The following COL2A1 variants were observed in gnomAD, a reference collection of about 807,000 sequenced individuals.
The protein encoded by COL2A1 is collagen alpha-1(II) chain.
In COL2A1, 28 loss-of-function variants were observed where a neutral mutation model predicts 204.5. That is an observed-to-expected ratio of 0.14 (90% CI 0.10 to 0.19). COL2A1 has a LOEUF of 0.19. Ranked by LOEUF, COL2A1 falls within the 10% of genes least tolerant of loss-of-function variation. The pLI, the probability that COL2A1 is intolerant of heterozygous loss-of-function variation, is 1.00. For missense variants in COL2A1, 1,388 were observed against 2,027.5 expected, an observed-to-expected ratio of 0.68 and a Z score of 6.06; for synonymous variants, 708 against 718.7, an observed-to-expected ratio of 0.99 and a Z score of 0.24.
intron 14 of COL2A1, 31 bp from the exon 15 acceptor site, chr12:47,993,533 G>A (rs1434885299): frequency 1.2e-6 from 2 of 1,606,638 alleles, no homozygotes; most frequent in Non-Finnish European, 1.7e-6. Context: ...GTCAGTGTCT[G>A]GGACCCCATT....
At chr12:47,981,145 G>A (rs1939054861) in intron 37 of COL2A1, among the ~76,000 whole-genome samples, 177 bp from the exon 38 acceptor site, 1 of 152,172 alleles carries the variant, frequency 6.6e-6, no homozygotes, top group Admixed American at 6.5e-5. Context: ...CCCTCACCCT[G>A]AACACATGAT....
chr12:47,976,014 G>T lies in COL2A1; in HGVS notation c.3546C>A (p.Gly1182=), dbSNP rs776772930. The T allele has an allele frequency of 6.2e-7, 1 of 1,614,164 alleles. No homozygotes were observed. Residue 1182 remains glycine, a synonymous_variant, in exon 50 of 54, where the codon GGC becomes GGA. Coordinates refer to ENST00000380518, the MANE Select transcript of COL2A1 (RefSeq NM_001844.5). This position sits in a 1 kb window ranked among gnomAD's most constrained non-coding sequence, Gnocchi z 4.3. The stretch of plus-strand genomic sequence containing the variant: ...CACGGGGACCAGGAGGCCCAATGGG[G>T]CCAGGGATTCCATTAGCACCATCTT... ...SGKDGANGIP[G]PIGPPGPRGR...
At chr12:47,991,734 A>G (rs748909933) in intron 16 of COL2A1, among the ~76,000 whole-genome samples, 2 of 152,214 alleles carry the variant, frequency 1.3e-5, no homozygotes, top group Non-Finnish European at 2.9e-5. Flanking sequence ...GCTTGTCTTT[A>G]GCCCATGCAG....
chr12:47,982,084 T>TCCAGCAGC, intron 35 of COL2A1, 23 bp downstream of exon 35: 1 of 1,612,402 alleles, frequency 6.2e-7, no homozygotes, highest in East Asian at 2.2e-5. Flanking sequence ...TGCCCAGCAG[T>TCCAGCAGC]CCAGCAGCCC....
At chr12:48,001,165 T>C (rs1304364212) in intron 1 of COL2A1, 1 of 152,258 alleles carries the variant, frequency 6.6e-6, no homozygotes, top group Non-Finnish European at 1.5e-5. Flanking sequence ...CACCACGTGC[T>C]AGGGAGCGCC....
Position 47,987,649 on chromosome 12 carries a change from G to A in COL2A1, c.1183C>T (p.Pro395Ser). Residue 395 changes from proline to serine, a missense_variant, in exon 19 of 54, where the codon CCT becomes TCT. Coordinates refer to ENST00000380518, the MANE Select transcript of COL2A1 (RefSeq NM_001844.5). This position sits in a 1 kb window ranked among gnomAD's most constrained non-coding sequence, Gnocchi z 4.1. ...GGCCCAGGGGACCCAGGAGTACCAG[G>A]TTCACCGCGAGGACCTTGAGCACCT... ...PEGAQGPRGEPGTPGSPGPAG... is the reference protein window; with the variant it reads ...PEGAQGPRGESGTPGSPGPAG... 1.9e-6 allele frequency: 3 copies of A among 1,613,408 alleles called. No homozygotes were observed. The highest frequency in any genetic ancestry group is 2.5e-6 in the Non-Finnish European group (3 of 1,179,768).
rs763224022 is a variant in COL2A1 at position 47,998,382 on chromosome 12, A to C, written c.309+33T>G. 4 of 1,580,608 alleles carry C rather than the reference A, an allele frequency of 2.5e-6. No individual in the cohort carries two copies. The South Asian group carries it at 3.4e-5, about 14-fold the overall frequency. ...GAAGCAGAAAATATAAAGCCAAAAA[A>C]ATATGAAAAAAGAAAAAGAAGAAAG... On this transcript the variant is annotated intron_variant, in intron 3 of 53. Transcript: ENST00000380518.
At chr12:47,999,385 T>C (rs1940122327) in intron 2 of COL2A1, among the ~76,000 whole-genome samples, 1 of 152,150 alleles carries the variant, frequency 6.6e-6, no homozygotes, top group East Asian at 1.9e-4. Flanking sequence ...AATGGTCAAC[T>C]CCAAGAGAGG....
chr12:48,004,691 C>G (rs926010019), upstream of COL2A1: 4 of 175,644 alleles, frequency 2.3e-5, no homozygotes, highest in South Asian at 2.5e-4. Context: ...CCTAGTGCGC[C>G]GAGTGGCCTG....
In COL2A1 at chr12:47,978,537, C is replaced by A; in HGVS notation, c.2895+60G>T. 6.2e-7 allele frequency: 1 copy of A among 1,607,860 alleles called. No homozygotes were observed. The stretch of plus-strand genomic sequence containing the variant: ...CCTCCTACCCCATGCTCTGTGAGCT[C>A]AGAAGCCACTCACGACCCTGCTCCC... On this transcript the variant is annotated intron_variant, in intron 42 of 53. Coordinates refer to ENST00000380518, the MANE Select transcript of COL2A1 (RefSeq NM_001844.5). The surrounding 1 kb of genome is among the most constrained non-coding windows in gnomAD (Gnocchi z 5.5).
intron 28 of COL2A1, 64 bp downstream of exon 28, chr12:47,984,482 C>G: frequency 6.5e-7 from 1 of 1,530,514 alleles, no homozygotes; most frequent in Non-Finnish European, 9.0e-7. Flanking sequence ...GGAGGCCGTT[C>G]CCCTGTCCTC....
At chr12:47,994,240 T>C (rs1939839968) in intron 12 of COL2A1, among the ~76,000 whole-genome samples, 184 bp downstream of exon 12, 1 of 152,148 alleles carries the variant, frequency 6.6e-6, no homozygotes, top group Non-Finnish European at 1.5e-5. Flanking sequence ...GTGGTATAAA[T>C]AACAACTGCC....
Position 47,976,399 on chromosome 12 carries a change from T to A in COL2A1, c.3489+115A>T. 8.4e-7 allele frequency: 1 copy of A among 1,196,394 alleles called. No individual in the cohort carries two copies. The highest frequency in any genetic ancestry group is 1.2e-6 in the Non-Finnish European group (1 of 806,418). 74.1% of individuals were successfully genotyped at this position (1,196,394 alleles called of 1,614,324 possible). A position where few individuals can be genotyped will look rare whatever the true frequency, so the allele number is the denominator to read the frequency against. On this transcript the variant is annotated intron_variant, in intron 49 of 53. Transcript: ENST00000380518. The surrounding 1 kb of genome is among the most constrained non-coding windows in gnomAD (Gnocchi z 4.3). The stretch of plus-strand genomic sequence containing the variant: ...AGCCAGTCCTGCCCCCATTACTGAG[T>A]GAGGACCCCTGAGCCCACAGCTTCC...
At chr12:47,979,930 A>G in intron 40 of COL2A1, 79 bp downstream of exon 40, 1 of 1,180,090 alleles carries the variant, frequency 8.5e-7, no homozygotes, top group Non-Finnish European at 1.1e-6. Flanking sequence ...GGGGCATCCC[A>G]GAACACCCCC....
Position 47,995,306 on chromosome 12 carries a change from A to T in COL2A1, c.711T>A (p.Gly237=), listed in dbSNP as rs764487245. The T allele has an allele frequency of 6.2e-7, 1 of 1,613,172 alleles. No homozygotes were observed. The highest frequency in any genetic ancestry group is 1.3e-5 in the African/African-American group (1 of 74,902). ...CAGGAGGACCACGGGGACCCATGGGACCCTACAAACAAAGGAAGATAGTTT... is the reference window on the plus strand; with the variant it reads ...CAGGAGGACCACGGGGACCCATGGGTCCCTACAAACAAAGGAAGATAGTTT... The part of the protein sequence containing the change: ...PGEPGEPGVS[G]PMGPRGPPGP... Residue 237 remains glycine (G), a splice_region_variant and synonymous_variant, in exon 11 of 54, where the codon GGT becomes GGA. Coordinates refer to ENST00000380518, the MANE Select transcript of COL2A1 (RefSeq NM_001844.5).
At chr12:48,004,889 A>T (rs1940406724), upstream of COL2A1, among the ~76,000 whole-genome samples, 1 of 152,156 alleles carries the variant, frequency 6.6e-6, no homozygotes, top group Non-Finnish European at 1.5e-5. Context: ...AAGACATGGG[A>T]GGGAGGAGGG....
intron 15 of COL2A1, 131 bp from the exon 16 acceptor site, chr12:47,993,062 T>G (rs994653323): frequency 1.2e-6 from 1 of 844,434 alleles, no homozygotes; most frequent in African/African-American, 1.7e-5. Flanking sequence ...AACAAGGACC[T>G]CCTGATGGTG....
chr12:47,991,477 T>G (rs185224715), intron 16 of COL2A1, among the ~76,000 whole-genome samples: 27 of 152,028 alleles, frequency 1.8e-4, no homozygotes, highest in Non-Finnish European at 3.2e-4. Context: ...CTTCTGGAAG[T>G]CAAGGCTGAG....
intron 1 of COL2A1, chr12:48,002,663 T>C (rs569800767): frequency 6.6e-6 from 1 of 152,370 alleles, no homozygotes; most frequent in East Asian, 1.9e-4. Context: ...GCTAATTCCA[T>C]TGCGCACTAA....
Sources: gnomAD v4.1 joint callset for allele counts (sites outside exome capture counted in the v4.1 genomes callset) on GRCh38, gnomAD v4.1.1 for gene constraint, Gnocchi (gnomAD v3.1) non-coding constraint, MANE v1.5 for transcripts, NCBI Gene and HGNC (gene_info 2026-07-23, HGNC 2026-07-21) for gene names.